Variants in AP1M1 observed in about 807,000 individuals in gnomAD.
AP1M1 encodes the protein adaptor related protein complex 1 subunit mu 1.
In AP1M1, 18 loss-of-function variants were observed where a neutral mutation model predicts 57.1. That is an observed-to-expected ratio of 0.32 (90% CI 0.22 to 0.47). AP1M1 has a LOEUF of 0.47. Among genes scored for constraint, AP1M1 ranks in the 20% least tolerant of loss-of-function variants. AP1M1 has a pLI of 1.00. For synonymous variants in AP1M1, 241 were observed against 237.9 expected (o/e 1.01, Z -0.12); for missense variants, 362 against 593.5 (o/e 0.61, Z 4.05).
At position 16,233,474 on chromosome 19, in the gene AP1M1, T is replaced by A. The variant is rs1480659301; in HGVS notation, c.1048-19T>A. Reference sequence around the variant, plus strand: ...GGGGCAGGGCCTAGGCCTGAGCGCCTCCCCCGTCTGCTCCCCAGGGCGGCA... The same window carrying A: ...GGGGCAGGGCCTAGGCCTGAGCGCCACCCCCGTCTGCTCCCCAGGGCGGCA... On this transcript the variant is annotated intron_variant, in intron 9 of 11. Transcript: ENST00000291439. 2.1e-5 allele frequency: 33 copies of A among 1,583,216 alleles called. No individual in the cohort carries two copies. Among genetic ancestry groups the A allele is most frequent in the Non-Finnish European group, 2.8e-5 (33 of 1,165,978 alleles).
chr19:16,225,982 C>T (rs541394335), intron 5 of AP1M1, among the ~76,000 whole-genome samples: 1 of 152,282 alleles, frequency 6.6e-6, no homozygotes, highest in Admixed American at 6.5e-5. Context: ...CAGCCGAGCT[C>T]ATGGACTCTC....
intron 9 of AP1M1, among the ~76,000 whole-genome samples, 155 bp from the exon 10 acceptor site, chr19:16,233,338 C>T (rs1179835273): frequency 1.3e-5 from 2 of 152,204 alleles, no homozygotes; most frequent in African/African-American, 4.8e-5. Flanking sequence ...TGGGGCAGCA[C>T]AGGGCCGAGC....
Position 16,228,889 on chromosome 19 carries a change from C to T in AP1M1, c.1008C>T (p.Pro336=), listed in dbSNP as rs775130446. The T allele has an allele frequency of 1.1e-4, 172 of 1,614,126 alleles. No individual in the cohort carries two copies. Among genetic ancestry groups the T allele is most frequent in the Middle Eastern group, 3.3e-4 (2 of 6,062 alleles). Residue 336 remains proline (P), a synonymous_variant, in exon 9 of 12, where the codon CCC becomes CCT. Coordinates refer to ENST00000291439, the MANE Select transcript of AP1M1 (RefSeq NM_032493.4). This position sits in a 1 kb window ranked among gnomAD's most constrained non-coding sequence, Gnocchi z 5.0. The stretch of plus-strand genomic sequence containing the variant: ...CGGTGGGGAGCGTTAAGTGGGTCCC[C>T]GAGAACAGCGAGATCGTGTGGTCCA... The part of the protein sequence containing the change: ...KTTVGSVKWV[P]ENSEIVWSIK...
Position 16,208,941 on chromosome 19 carries a change from C to G in AP1M1, c.399-89C>G, listed in dbSNP as rs1053360285. On this transcript the variant is annotated intron_variant, in intron 4 of 11. Transcript: ENST00000291439. The stretch of plus-strand genomic sequence containing the variant: ...GTCGGTCAGAACCTGCCCTGTACCC[C>G]CCACCCAACCCTGCCGAAATGTCAA... 4.0e-6 allele frequency: 6 copies of G among 1,504,328 alleles called. No individual in the cohort carries two copies. The African/African-American group carries it at 7.0e-5, about 17-fold the overall frequency. The allele number at this position is 1,504,328 out of a possible 1,614,324, so 93.2% of individuals were successfully genotyped here.
chr19:16,215,827 T>C (rs1475575882), intron 5 of AP1M1, among the ~76,000 whole-genome samples: 1 of 152,206 alleles, frequency 6.6e-6, no homozygotes, highest in Non-Finnish European at 1.5e-5. Flanking sequence ...TTGCTCTCTT[T>C]TTTAATCCCA....
At chr19:16,233,918 G>A in intron 10 of AP1M1, 1 of 549,902 alleles carries the variant, frequency 1.8e-6, no homozygotes, top group Non-Finnish European at 3.2e-6. Context: ...GGGAGGAGAG[G>A]CTCCCAGAGA....
At position 16,206,535 on chromosome 19, in the gene AP1M1, C is replaced by A; in HGVS notation, c.267+127C>A. On this transcript the variant is annotated intron_variant, in intron 3 of 11. Coordinates refer to ENST00000291439, the MANE Select transcript of AP1M1 (RefSeq NM_032493.4). This position sits in a 1 kb window ranked among gnomAD's most constrained non-coding sequence, Gnocchi z 4.3. ...CCCAGGGAGCACTGGGGCTGGAAGC[C>A]CAGGAAGTGGGAAAGGGGAGTCCCA... 1 of 996,270 alleles carries A rather than the reference C, an allele frequency of 1.0e-6. No individual in the cohort carries two copies. Among genetic ancestry groups the A allele is most frequent in the South Asian group, 1.5e-5 (1 of 68,174 alleles). 61.7% of individuals were successfully genotyped at this position (996,270 alleles called of 1,614,324 possible).
intron 5 of AP1M1, among the ~76,000 whole-genome samples, chr19:16,219,390 GTTTTTTTGTT>G (rs2091532525): frequency 1.3e-5 from 1 of 75,996 alleles, no homozygotes. Context: ...ATTCATTTTT[GTTTTTTTGTT>G]TTTTTTTTTT....
chr19:16,231,357 C>A (rs1323811514), intron 9 of AP1M1, among the ~76,000 whole-genome samples: 2 of 149,820 alleles, frequency 1.3e-5, no homozygotes, highest in East Asian at 2.0e-4. Context: ...GATAGATATC[C>A]TTCCCCCTTT....
Position 16,240,915 on chromosome 19 carries a change from A to G in AP1M1, c.*6480A>G, listed in dbSNP as rs972556845. 6.6e-6 allele frequency: 1 copy of G among 152,266 alleles called. No individual in the cohort carries two copies. Among genetic ancestry groups the G allele is most frequent in the African/African-American group, 2.4e-5 (1 of 41,472 alleles). The allele number at this position is 152,266 out of a possible 1,614,324, so 9.4% of individuals were successfully genotyped here. ...GATTAAAATGTCTCTCCAAAGAGCA[A>G]TTGGACAGAGAACTGGTTTCACAAC... On this transcript the variant is annotated 3_prime_UTR_variant, in exon 12 of 12. Coordinates refer to ENST00000291439, the MANE Select transcript of AP1M1 (RefSeq NM_032493.4).
chr19:16,205,564 C>T (rs967105565), intron 2 of AP1M1, among the ~76,000 whole-genome samples: 19 of 152,138 alleles, frequency 1.2e-4, no homozygotes, highest in African/African-American at 3.9e-4. Flanking sequence ...GAGCTCACTC[C>T]TGGGCAGACG....
intron 2 of AP1M1, among the ~76,000 whole-genome samples, chr19:16,205,418 T>G (rs2091465426): frequency 6.6e-6 from 1 of 152,124 alleles, no homozygotes; most frequent in Non-Finnish European, 1.5e-5. Flanking sequence ...ATAAAGCATC[T>G]GGGGAGGGCA....
intron 10 of AP1M1, chr19:16,233,984 G>A: frequency 1.7e-6 from 1 of 587,114 alleles, no homozygotes. Context: ...GTGTCTGCAA[G>A]CCACATCCTG....
rs927484329 is a variant in AP1M1 at position 16,239,976 on chromosome 19, T to C, written c.*5541T>C. ...CTGCATCCATGGATTCAACCAAGAG[T>C]GAGTTGAAAATATTTGAAAAACAAT... is the stretch of plus-strand genomic sequence containing the variant. On this transcript the variant is annotated 3_prime_UTR_variant, in exon 12 of 12. Coordinates refer to ENST00000291439, the MANE Select transcript of AP1M1 (RefSeq NM_032493.4). 1.3e-5 allele frequency: 2 copies of C among 151,704 alleles called. No homozygotes were observed. The highest frequency in any genetic ancestry group is 4.8e-5 in the African/African-American group (2 of 41,256). The allele number at this position is 151,704 out of a possible 1,614,324, so 9.4% of individuals were successfully genotyped here. A position where few individuals can be genotyped will look rare whatever the true frequency, so the allele number is the denominator to read the frequency against.
In AP1M1 at chr19:16,227,512, G is replaced by T. The variant is rs749092235; in HGVS notation, c.674-36G>T. On this transcript the variant is annotated intron_variant, in intron 6 of 11. Coordinates refer to ENST00000291439, the MANE Select transcript of AP1M1 (RefSeq NM_032493.4). The surrounding 1 kb of genome is among the most constrained non-coding windows in gnomAD (Gnocchi z 6.2). ...GTACTGCTGAGATAGTGACCCGGAG[G>T]GCCCAGATCTGTCCTACCCTCACCC... The T allele has an allele frequency of 2.6e-5, 42 of 1,597,424 alleles. No homozygotes were observed. The Middle Eastern group carries it at 5.0e-4, about 19-fold the overall frequency.
At chr19:16,202,698 G>A (rs2091453794) in intron 1 of AP1M1, among the ~76,000 whole-genome samples, 1 of 152,222 alleles carries the variant, frequency 6.6e-6, no homozygotes, top group South Asian at 2.1e-4. Flanking sequence ...TTCTCATGGT[G>A]TGCACGGATA....
intron 9 of AP1M1, among the ~76,000 whole-genome samples, chr19:16,229,886 G>A (rs758792122): frequency 9.9e-5 from 15 of 152,188 alleles, no homozygotes; most frequent in Admixed American, 8.5e-4. Flanking sequence ...GCGGCAGAGC[G>A]TTTTCCTTCT....
At chr19:16,223,764 G>A (rs2091556476) in intron 5 of AP1M1, among the ~76,000 whole-genome samples, 2 of 152,208 alleles carry the variant, frequency 1.3e-5, no homozygotes, top group Admixed American at 1.3e-4. Context: ...CTCTTCCCTG[G>A]TCCACCTGCT....
intron 1 of AP1M1, among the ~76,000 whole-genome samples, chr19:16,202,541 T>C (rs2091453029): frequency 6.6e-6 from 1 of 152,232 alleles, no homozygotes; most frequent in Non-Finnish European, 1.5e-5. Context: ...CACCCACCGA[T>C]GTGTTTTTCA....
Sources: gnomAD v4.1 joint callset for allele counts (sites outside exome capture counted in the v4.1 genomes callset) on GRCh38, gnomAD v4.1.1 for gene constraint, Gnocchi (gnomAD v3.1) non-coding constraint, MANE v1.5 for transcripts, NCBI Gene and HGNC (gene_info 2026-07-23, HGNC 2026-07-21) for gene names.